PTPRK: variants seen among roughly 807,000 people sequenced by gnomAD.
The protein encoded by PTPRK is protein tyrosine phosphatase receptor type K.
In PTPRK, 75 loss-of-function variants were observed where a neutral mutation model predicts 178.0. The observed-to-expected ratio is 0.42, with a 90% CI of 0.35 to 0.51. The LOEUF (loss-of-function observed/expected upper bound fraction) is 0.51, where lower values mean the gene tolerates loss of function less well. PTPRK is among the 20% of genes least tolerant of loss of function. The pLI is 0.02. For missense variants in PTPRK, 1,441 were observed against 1,797.8 expected, an observed-to-expected ratio of 0.80 and a Z score of 3.59; for synonymous variants, 637 against 620.6, an observed-to-expected ratio of 1.03 and a Z score of -0.39.
chr6:128,344,533 AT>A (rs911512691), intron 2 of PTPRK, among the ~76,000 whole-genome samples: 19 of 149,810 alleles, frequency 1.3e-4, no homozygotes, highest in East Asian at 2.0e-4. Flanking sequence ...ACTCCTCGTG[AT>A]TTTTTTTTTA....
chr6:128,199,464 G>C (rs915935673), intron 6 of PTPRK, among the ~76,000 whole-genome samples: 1 of 152,002 alleles, frequency 6.6e-6, no homozygotes, highest in Non-Finnish European at 1.5e-5. Flanking sequence ...AGAATGGAAT[G>C]AGGTAGCACT....
At chr6:128,101,586 T>C (rs1788791421) in intron 7 of PTPRK, among the ~76,000 whole-genome samples, 1 of 152,156 alleles carries the variant, frequency 6.6e-6, no homozygotes, top group Non-Finnish European at 1.5e-5. Context: ...TAGTGTATTT[T>C]TCATCTAGAC....
At chr6:128,292,765 T>C (rs7771630) in intron 3 of PTPRK, among the ~76,000 whole-genome samples, 20,279 of 152,118 alleles carry the variant, frequency 0.13, 2,189 homozygotes, top group African/African-American at 0.3. Flanking sequence ...TCCATTATAG[T>C]ATTTGAATTT....
intron 1 of PTPRK, among the ~76,000 whole-genome samples, chr6:128,400,021 T>A (rs1450509420): frequency 6.6e-6 from 1 of 152,150 alleles, no homozygotes; most frequent in Non-Finnish European, 1.5e-5. Flanking sequence ...CTTTTACAAA[T>A]TTTTTTGTAA....
At chr6:128,123,404 T>C (rs1327397254) in intron 7 of PTPRK, among the ~76,000 whole-genome samples, 1 of 151,940 alleles carries the variant, frequency 6.6e-6, no homozygotes, top group Non-Finnish European at 1.5e-5. Flanking sequence ...TAGGAGGAAA[T>C]TTGTACTTTT....
chr6:128,279,824 CCTT>C (rs979472914), intron 3 of PTPRK, among the ~76,000 whole-genome samples: 4 of 152,050 alleles, frequency 2.6e-5, no homozygotes, highest in Non-Finnish European at 5.9e-5. Flanking sequence ...CAGCTAACGC[CCTT>C]ATTATTAACA....
Position 128,021,760 on chromosome 6 carries a change from C to T in PTPRK, c.2195-12492G>A, listed in dbSNP as rs1215004581. Among the ~76,000 whole-genome samples the T allele has an allele frequency of 2.0e-5, 3 of 152,334 alleles. No homozygotes were observed. The East Asian group carries it at 5.8e-4, about 29-fold the overall frequency. On this transcript the variant is annotated intron_variant, in intron 13 of 29. Transcript: ENST00000368226. ...TGTTTCTCATTTGAACTTTAAATCA[C>T]AGCCTAATAGAGGTAGGCTGGAGTT...
At chr6:128,362,256 G>C (rs1834878081) in intron 2 of PTPRK, among the ~76,000 whole-genome samples, 1 of 152,094 alleles carries the variant, frequency 6.6e-6, no homozygotes, top group African/African-American at 2.4e-5. Flanking sequence ...AAGGAGGAAA[G>C]TGCTACATAT....
At chr6:128,458,768 A>AC (rs1848691605) in intron 1 of PTPRK, among the ~76,000 whole-genome samples, 1 of 152,192 alleles carries the variant, frequency 6.6e-6, no homozygotes, top group Non-Finnish European at 1.5e-5. Flanking sequence ...TAAAAAAGAA[A>AC]CCATACCATT....
chr6:128,509,197 ATAC>A (rs1856814943), intron 1 of PTPRK, among the ~76,000 whole-genome samples: 1 of 152,142 alleles, frequency 6.6e-6, no homozygotes. Flanking sequence ...GGTGGGTTCC[ATAC>A]GAGTTTCAGA....
intron 21 of PTPRK, among the ~76,000 whole-genome samples, chr6:127,989,428 A>C (rs1051661800): frequency 3.3e-5 from 5 of 151,944 alleles, no homozygotes; most frequent in African/African-American, 1.2e-4. Flanking sequence ...TGGTAGGATA[A>C]CTCACAAGTA....
chr6:128,482,102 T>C (rs985558711), intron 1 of PTPRK, among the ~76,000 whole-genome samples: 2 of 152,160 alleles, frequency 1.3e-5, no homozygotes, highest in Non-Finnish European at 2.9e-5. Flanking sequence ...TGTTTGTTTT[T>C]AGGACTTGCC....
At chr6:128,366,698 A>G (rs1427795448) in intron 2 of PTPRK, among the ~76,000 whole-genome samples, 4 of 152,174 alleles carry the variant, frequency 2.6e-5, no homozygotes, top group East Asian at 1.9e-4. Flanking sequence ...ACATATTTAC[A>G]GTATTAATAA....
At chr6:128,346,443 A>T (rs991221207) in intron 2 of PTPRK, among the ~76,000 whole-genome samples, 3 of 152,038 alleles carry the variant, frequency 2.0e-5, no homozygotes, top group African/African-American at 7.2e-5. Context: ...ATATATAGCC[A>T]ATTTTCTATA....
intron 13 of PTPRK, among the ~76,000 whole-genome samples, chr6:128,026,314 T>C (rs2114779374): frequency 6.6e-6 from 1 of 152,336 alleles, no homozygotes; most frequent in African/African-American, 2.4e-5. Context: ...AACTTTCTCC[T>C]ATTTGTATAT....
chr6:128,000,545 C>A (rs1165207558), intron 15 of PTPRK, among the ~76,000 whole-genome samples: 1 of 151,872 alleles, frequency 6.6e-6, no homozygotes, highest in Non-Finnish European at 1.5e-5. Flanking sequence ...ATTTTGCCCA[C>A]CCCTCTACAC....
chr6:128,512,143 C>A (rs1010660565), intron 1 of PTPRK, among the ~76,000 whole-genome samples: 2 of 152,158 alleles, frequency 1.3e-5, no homozygotes, highest in Admixed American at 1.3e-4. Flanking sequence ...AGAGTCTCTC[C>A]ACCACTACTT....
intron 2 of PTPRK, among the ~76,000 whole-genome samples, chr6:128,381,547 T>C (rs1837915906): frequency 6.6e-6 from 1 of 152,150 alleles, no homozygotes. Context: ...ATGAGATTAC[T>C]AACCGGCCGT....
chr6:128,362,544 T>C (rs1346517846), intron 2 of PTPRK, among the ~76,000 whole-genome samples: 1 of 152,230 alleles, frequency 6.6e-6, no homozygotes, highest in Admixed American at 6.5e-5. Flanking sequence ...ATCTAAATTA[T>C]GCTCTTAAAG....
Sources: allele counts gnomAD v4.1 joint callset (sites outside exome capture counted in the v4.1 genomes callset), GRCh38; gene constraint gnomAD v4.1.1; transcripts MANE v1.5; gene names NCBI Gene and HGNC (gene_info 2026-07-23, HGNC 2026-07-21).